Variants in GP2 observed in about 807,000 individuals in gnomAD.
The protein encoded by GP2 is glycoprotein 2.
Under a neutral mutation model 60.8 loss-of-function variants are expected in GP2, and 58 were observed. The ratio of observed to expected loss-of-function variants is 0.95; its 90% confidence interval spans 0.77 to 1.19. The LOEUF (loss-of-function observed/expected upper bound fraction) is 1.19. Ranked by LOEUF, GP2 falls within the 50% of genes most tolerant of loss-of-function variation. The pLI is 0.00. For missense variants in GP2, 647 were observed against 667.4 expected (o/e 0.97, Z 0.34); for synonymous variants, 280 against 253.4 (o/e 1.10, Z -1.00).
intron 9 of GP2, 90 bp downstream of exon 9, chr16:20,315,866 C>T: frequency 3.8e-6 from 3 of 788,954 alleles, no homozygotes; most frequent in Non-Finnish European, 6.9e-6. Context: ...GTACAAGAGC[C>T]CTGAGAAGTT....
chr16:20,323,465 T>G, intron 3 of GP2: 1 of 700,738 alleles, frequency 1.4e-6, no homozygotes, highest in Non-Finnish European at 2.7e-6. Context: ...GCATTATGTA[T>G]TAGCTGTTAT....
intron 6 of GP2, 24 bp from the exon 7 acceptor site, chr16:20,318,454 G>C: frequency 6.2e-7 from 1 of 1,608,062 alleles, no homozygotes; most frequent in Non-Finnish European, 8.5e-7. Flanking sequence ...AGCCACAAGA[G>C]TGGAAACCTC....
intron 8 of GP2, among the ~76,000 whole-genome samples, chr16:20,316,667 C>G (rs1964183196): frequency 6.6e-6 from 1 of 152,186 alleles, no homozygotes; most frequent in South Asian, 2.1e-4. Flanking sequence ...CCAATGGAAT[C>G]TAGTAGACAG....
At chr16:20,313,900 A>T (rs1363631290) in intron 10 of GP2, among the ~76,000 whole-genome samples, 1 of 152,168 alleles carries the variant, frequency 6.6e-6, no homozygotes, top group Admixed American at 6.5e-5. Context: ...CACCTCAAAG[A>T]TGGTGGAGGC....
In GP2 at chr16:20,311,201, G is replaced by A. The variant is rs754152225; in HGVS notation, c.*22C>T. On this transcript the variant is annotated 3_prime_UTR_variant, in exon 11 of 11. Coordinates refer to ENST00000302555, the MANE Select transcript of GP2 (RefSeq NM_001502.4). ...CCAGAGGGAAGAACACAAACTTCAAGGCCAGATGCTCAGCGGAGCTCTCAG... is the reference window on the plus strand; with the variant it reads ...CCAGAGGGAAGAACACAAACTTCAAAGCCAGATGCTCAGCGGAGCTCTCAG... 6.4e-7 allele frequency: 1 copy of A among 1,557,930 alleles called. No individual in the cohort carries two copies. The highest frequency in any genetic ancestry group is 1.7e-5 in the Admixed American group (1 of 59,936).
chr16:20,322,968 C>T lies in GP2; in HGVS notation c.547G>A (p.Val183Met), dbSNP rs564171749. The T allele has an allele frequency of 2.5e-6, 4 of 1,601,216 alleles. No homozygotes were observed. The highest frequency in any genetic ancestry group is 3.4e-6 in the Non-Finnish European group (4 of 1,168,416). ...NLRYCTDPSTVEDKCEKACRP... is the reference protein window; with the variant it reads ...NLRYCTDPSTMEDKCEKACRP... ...CAGGCCTTCTCACACTTGTCCTCCA[C>T]AGTGGATGGGTCTAGGTGATGGGGC... is the stretch of plus-strand genomic sequence containing the variant. Residue 183 changes from valine to methionine, a missense_variant, in exon 4 of 11, where the codon GTG becomes ATG. Coordinates refer to ENST00000302555, the MANE Select transcript of GP2 (RefSeq NM_001502.4).
intron 6 of GP2, 95 bp downstream of exon 6, chr16:20,319,525 G>A (rs1964281392): frequency 1.2e-6 from 1 of 817,374 alleles, no homozygotes; most frequent in East Asian, 2.5e-5. Context: ...GAGGAGGCTG[G>A]CAGTATGGTG....
rs201761022 is a variant in GP2, at chr16:20,323,865, A to G, written c.486T>C (p.His162=). 9 of 1,613,938 alleles carry G rather than the reference A, an allele frequency of 5.6e-6. No homozygotes were observed. In the East Asian group the frequency reaches 1.3e-4, roughly 24 times the overall value. The part of the protein sequence containing the change: ...VLVKACPGGY[H]VYRLEGTPWC... ...AGGGAGTGCCTTCCAACCGGTACAC[A>G]TGGTACCCGCCTGGGCAGGCCTTCA... The change falls in exon 3 of 11, where the codon CAT becomes CAC. Residue 162 remains histidine (H), a synonymous_variant. Coordinates refer to ENST00000302555, the MANE Select transcript of GP2 (RefSeq NM_001502.4).
chr16:20,317,056 T>C (rs1160659775), intron 8 of GP2, among the ~76,000 whole-genome samples, 157 bp downstream of exon 8: 2 of 150,182 alleles, frequency 1.3e-5, no homozygotes, highest in East Asian at 3.9e-4. Flanking sequence ...CTTCCCGTTC[T>C]CTTTCCCCTT....
At chr16:20,321,259 G>T (rs1176635926) in intron 4 of GP2, among the ~76,000 whole-genome samples, 2 of 152,010 alleles carry the variant, frequency 1.3e-5, no homozygotes, top group Admixed American at 6.5e-5. Flanking sequence ...ATGGGGTTTT[G>T]CCATATTGGC....
intron 6 of GP2, 131 bp from the exon 7 acceptor site, chr16:20,318,561 T>G: frequency 1.3e-6 from 1 of 775,976 alleles, no homozygotes. Flanking sequence ...CAATCAGTCG[T>G]TTAAACTGAG....
chr16:20,325,523 G>C (rs762779015), intron 2 of GP2, among the ~76,000 whole-genome samples: 3 of 152,176 alleles, frequency 2.0e-5, no homozygotes, highest in Non-Finnish European at 2.9e-5. Flanking sequence ...TTTGGGGAAA[G>C]AAAGCCTTAA....
intron 10 of GP2, among the ~76,000 whole-genome samples, chr16:20,313,497 T>C (rs1356151994): frequency 1.3e-5 from 2 of 152,244 alleles, no homozygotes; most frequent in East Asian, 3.9e-4. Flanking sequence ...GAATTATTGA[T>C]GTTCCCATGC....
chr16:20,310,559 T>C lies in GP2; in HGVS notation c.*664A>G, dbSNP rs917596116. On this transcript the variant is annotated 3_prime_UTR_variant, in exon 11 of 11. Transcript: ENST00000302555. ...GAGATGCTTAGGAAGGAATCGTGGC[T>C]GGTGCCTCTTCTCCATGCTCATCCC... 2.6e-5 allele frequency: 4 copies of C among 152,254 alleles called. No homozygotes were observed. The highest frequency in any genetic ancestry group is 9.7e-5 in the African/African-American group (4 of 41,434). The allele number at this position is 152,254 out of a possible 1,614,324, so 9.4% of individuals were successfully genotyped here. A position where few individuals can be genotyped will look rare whatever the true frequency, so the allele number is the denominator to read the frequency against.
chr16:20,312,020 A>T (rs1404128333), intron 10 of GP2, among the ~76,000 whole-genome samples: 1 of 152,222 alleles, frequency 6.6e-6, no homozygotes. Context: ...AGCAGCTGTG[A>T]CTTCACTGGA....
chr16:20,312,599 G>GCTAAC (rs1964022318), intron 10 of GP2, among the ~76,000 whole-genome samples: 2 of 151,428 alleles, frequency 1.3e-5, no homozygotes, highest in African/African-American at 4.9e-5. Context: ...CAGGCACTGG[G>GCTAAC]CTAACCAGAA....
Position 20,317,338 on chromosome 16 carries a change from C to T in GP2, c.1291G>A (p.Glu431Lys). The change falls in exon 8 of 11, where the codon GAG (glutamate) becomes AAG (lysine). Residue 431 changes from glutamate to lysine, a missense_variant. Glu to Lys is a moderately conservative substitution (Grantham distance 56, BLOSUM62 1). Transcript: ENST00000302555. ...NQRDSTIHVEENGQSSESRFS... is the reference protein window; with the variant it reads ...NQRDSTIHVEKNGQSSESRFS... Reference sequence around the variant, plus strand: ...CGGCTTTCCGAGGACTGCCCATTCTCCTCCACGTGGATGGTGGAATCACGT... The same window carrying T: ...CGGCTTTCCGAGGACTGCCCATTCTTCTCCACGTGGATGGTGGAATCACGT... 6.2e-7 allele frequency: 1 copy of T among 1,613,862 alleles called. No homozygotes were observed. The highest frequency in any genetic ancestry group is 8.5e-7 in the Non-Finnish European group (1 of 1,179,758).
intron 9 of GP2, among the ~76,000 whole-genome samples, chr16:20,315,663 G>A (rs1033479430): frequency 6.6e-6 from 1 of 152,156 alleles, no homozygotes; most frequent in Non-Finnish European, 1.5e-5. Flanking sequence ...GATCTTGGGC[G>A]AGTCACTTAA....
Position 20,314,614 on chromosome 16 carries a change from A to G in GP2, c.1546+43T>C, listed in dbSNP as rs375083269. On this transcript the variant is annotated intron_variant, in intron 10 of 10. Transcript: ENST00000302555. ...AGGGGCAGAATTGAAAAGAGAAAGG[A>G]GAGTTGGGAAAGCTGTGGGAAAGGC... is the stretch of plus-strand genomic sequence containing the variant. The G allele has an allele frequency of 8.5e-4, 1,134 of 1,337,730 alleles. 24 individuals are homozygous for G. The South Asian group carries it at 0.012, about 15-fold the overall frequency. The allele number at this position is 1,337,730 out of a possible 1,614,324, so 82.9% of individuals were successfully genotyped here.
Sources: allele counts gnomAD v4.1 joint callset (sites outside exome capture counted in the v4.1 genomes callset), GRCh38; gene constraint gnomAD v4.1.1; transcripts MANE v1.5; gene names NCBI Gene and HGNC (gene_info 2026-07-23, HGNC 2026-07-21).